Variants in SMC6 observed in about 807,000 individuals in gnomAD.
SMC6 encodes the protein structural maintenance of chromosomes 6, also known as structural maintenance of chromosomes protein 6.
In SMC6, 79 loss-of-function variants were observed where a neutral mutation model predicts 142.2. The ratio of observed to expected loss-of-function variants is 0.56; its 90% CI spans 0.46 to 0.67. The LOEUF is 0.67. SMC6 is among the 30% of genes least tolerant of loss of function. The pLI is 0.00. For synonymous variants in SMC6, 411 were observed against 412.4 expected (o/e 1.00, Z 0.04); for missense variants, 1,072 against 1,284.0 (o/e 0.83, Z 2.52).
rs1220911645 is a variant in SMC6 at position 17,753,779 on chromosome 2, C to T, written c.-246G>A. The T allele has an allele frequency of 1.3e-5, 2 of 152,096 alleles. No homozygotes were observed. The highest frequency in any genetic ancestry group is 2.4e-5 in the African/African-American group (1 of 41,394). The allele number at this position is 152,096 out of a possible 1,614,324, so 9.4% of individuals were successfully genotyped here. A position where few individuals can be genotyped will look rare whatever the true frequency, so the allele number is the denominator to read the frequency against. ...CCGGCCGCAGGAGAAGGTAGATTCCCGGGAGCCCCGGCGCCCACCGCGGTA... is the reference window on the plus strand; with the variant it reads ...CCGGCCGCAGGAGAAGGTAGATTCCTGGGAGCCCCGGCGCCCACCGCGGTA... On this transcript the variant is annotated 5_prime_UTR_variant, in exon 1 of 28. Transcript: ENST00000448223.
At chr2:17,688,501 G>T (rs975452606) in intron 23 of SMC6, among the ~76,000 whole-genome samples, 1 of 152,008 alleles carries the variant, frequency 6.6e-6, no homozygotes, top group South Asian at 2.1e-4. Context: ...GGAGGGAGAG[G>T]TTGCAGTGAG....
intron 5 of SMC6, among the ~76,000 whole-genome samples, chr2:17,737,423 T>C (rs1052464202): frequency 6.6e-5 from 10 of 152,208 alleles, no homozygotes; most frequent in Admixed American, 6.5e-4. Context: ...CTAGAAGATG[T>C]ATGACAGCAT....
intron 5 of SMC6, 68 bp from the exon 6 acceptor site, chr2:17,731,945 T>C: frequency 2.0e-6 from 3 of 1,475,860 alleles, no homozygotes; most frequent in Non-Finnish European, 2.7e-6. Flanking sequence ...GTTGCCACAG[T>C]TTTCAAATTT....
intron 7 of SMC6, among the ~76,000 whole-genome samples, chr2:17,727,477 C>T (rs1469077965): frequency 6.7e-6 from 1 of 150,050 alleles, no homozygotes; most frequent in Non-Finnish European, 1.5e-5. Flanking sequence ...ACCTTGTGAT[C>T]ATGTGAGTTA....
Position 17,717,153 on chromosome 2 carries a change from G to C in SMC6, c.1116C>G (p.Asn372Lys). 6.2e-7 allele frequency: 1 copy of C among 1,608,114 alleles called. No individual in the cohort carries two copies. Among genetic ancestry groups the C allele is most frequent in the Non-Finnish European group, 8.5e-7 (1 of 1,178,070 alleles). Residue 372 changes from asparagine (N) to lysine (K), a missense_variant, in exon 13 of 28, where the codon AAC (asparagine) becomes AAG (lysine). Physicochemically the swap from Asn to Lys is moderately conservative, Grantham distance 94 (BLOSUM62 0). This residue lies in a region of SMC6 where 994 missense variants were observed against 1,153.2 expected (regional missense o/e 0.86). Coordinates refer to ENST00000448223, the MANE Select transcript of SMC6 (RefSeq NM_001142286.2). ...CATCTTTCTTTAATGCTTTATATTCGTTTAAGGATCGGTTATATAAAACCT... is the reference window on the plus strand; with the variant it reads ...CATCTTTCTTTAATGCTTTATATTCCTTTAAGGATCGGTTATATAAAACCT... ...EAEVLYNRSL[N>K]EYKALKKDDE...
chr2:17,744,594 T>C (rs540802907), intron 3 of SMC6, among the ~76,000 whole-genome samples: 7 of 152,222 alleles, frequency 4.6e-5, no homozygotes, highest in Non-Finnish European at 1.0e-4. Context: ...TTATTTGCAA[T>C]GCTAGATTTT....
intron 12 of SMC6, among the ~76,000 whole-genome samples, chr2:17,717,401 G>A (rs558250138): frequency 1.3e-5 from 2 of 152,328 alleles, no homozygotes; most frequent in Non-Finnish European, 1.5e-5. Context: ...GCCAGGTGCT[G>A]TGGCTCACGC....
intron 9 of SMC6, among the ~76,000 whole-genome samples, chr2:17,723,689 A>T (rs1046399952): frequency 6.6e-6 from 1 of 152,142 alleles, no homozygotes; most frequent in Non-Finnish European, 1.5e-5. Context: ...CACGATACTC[A>T]AATTATTTAC....
intron 25 of SMC6, among the ~76,000 whole-genome samples, chr2:17,671,972 TGCTCTCAAGTGA>T (rs1416554574): frequency 1.3e-5 from 2 of 152,248 alleles, no homozygotes; most frequent in East Asian, 3.9e-4. Flanking sequence ...AAAGTGATAC[TGCTCTCAAGTGA>T]GCATTCATTT....
intron 23 of SMC6, among the ~76,000 whole-genome samples, chr2:17,691,663 G>A (rs1667734193): frequency 6.6e-6 from 1 of 152,032 alleles, no homozygotes; most frequent in Admixed American, 6.6e-5. Flanking sequence ...ACAAGACAGG[G>A]ATGCCCTCTC....
rs1667977062 is a variant in SMC6 at position 17,696,168 on chromosome 2, T to C, written c.2532+121A>G. The C allele has an allele frequency of 3.2e-6, 4 of 1,264,184 alleles. No individual in the cohort carries two copies. In the Admixed American group the frequency reaches 1.1e-4, roughly 34 times the overall value. 78.3% of individuals were successfully genotyped at this position (1,264,184 alleles called of 1,614,324 possible). A position where few individuals can be genotyped will look rare whatever the true frequency, so the allele number is the denominator to read the frequency against. ...TGATTCACCCAAACACCTATTACTC[T>C]ATATGAAACAGAAATTCAGACAACT... On this transcript the variant is annotated intron_variant, in intron 22 of 27. Coordinates refer to ENST00000448223, the MANE Select transcript of SMC6 (RefSeq NM_001142286.2).
In SMC6 at chr2:17,678,856, T is replaced by TA. The variant is rs772531411; in HGVS notation, c.2910+2dup. 1 of 1,563,516 alleles carries TA rather than the reference T, an allele frequency of 6.4e-7. No homozygotes were observed. Among genetic ancestry groups the TA allele is most frequent in the Non-Finnish European group, 8.8e-7 (1 of 1,139,018 alleles). ...TTAGGATGAAAAGAATTAGGATACT[T>TA]ACTGATATACTTAGAGTTTCATTCT... On this transcript the variant is annotated splice_region_variant and intron_variant, in intron 25 of 27. Transcript: ENST00000448223.
At chr2:17,709,245 TAA>T (rs1388507860) in intron 16 of SMC6, among the ~76,000 whole-genome samples, 1 of 152,162 alleles carries the variant, frequency 6.6e-6, no homozygotes, top group East Asian at 1.9e-4. Context: ...TTATCATACA[TAA>T]GTCAATTATT....
At chr2:17,752,948 T>C (rs1185408212) in intron 2 of SMC6, 30 bp downstream of exon 2, 2 of 883,534 alleles carry the variant, frequency 2.3e-6, no homozygotes, top group Non-Finnish European at 2.7e-6. Flanking sequence ...AAACACCAAA[T>C]GATTGCTCTA....
At chr2:17,694,570 T>C (rs7566260) in intron 23 of SMC6, among the ~76,000 whole-genome samples, 40,401 of 152,102 alleles carry the variant, frequency 0.27, 6,009 homozygotes, top group Non-Finnish European at 0.33. Flanking sequence ...TTCCCACATA[T>C]TGTTTATGGA....
At chr2:17,711,403 A>C (rs563923875) in intron 16 of SMC6, among the ~76,000 whole-genome samples, 108 of 152,302 alleles carry the variant, frequency 7.1e-4, no homozygotes, top group African/African-American at 2.3e-3. Flanking sequence ...GTTAAGCAGA[A>C]AGTCTAAACA....
At chr2:17,677,664 C>T (rs537905470) in intron 25 of SMC6, among the ~76,000 whole-genome samples, 2 of 152,182 alleles carry the variant, frequency 1.3e-5, no homozygotes, top group South Asian at 4.1e-4. Flanking sequence ...GCAGTGAGAA[C>T]AATAGACTAC....
intron 20 of SMC6, among the ~76,000 whole-genome samples, chr2:17,700,760 A>G (rs1400893913): frequency 6.6e-6 from 1 of 152,124 alleles, no homozygotes; most frequent in African/African-American, 2.4e-5. Flanking sequence ...GGCCAGGTGC[A>G]GTGGCTCATG....
At position 17,677,209 on chromosome 2, in the gene SMC6, A is replaced by G. The variant is rs143753775; in HGVS notation, c.2910+1650T>C. ...ACAATGGCGTCTCCAAACGTACAAT[A>G]TTTCACTAAAGAGGGGCCCCCTTTC... On this transcript the variant is annotated intron_variant, in intron 25 of 27. Coordinates refer to ENST00000448223, the MANE Select transcript of SMC6 (RefSeq NM_001142286.2). Among the ~76,000 whole-genome samples, 831 of 152,206 alleles carry G rather than the reference A, an allele frequency of 5.5e-3. 3 individuals carry two copies. Among genetic ancestry groups the G allele is most frequent in the Non-Finnish European group, 9.0e-3 (615 of 68,004 alleles).
Sources: allele counts gnomAD v4.1 joint callset (sites outside exome capture counted in the v4.1 genomes callset), GRCh38; gene constraint gnomAD v4.1.1; regional missense constraint gnomAD v4.1.1; transcripts MANE v1.5; gene names NCBI Gene and HGNC (gene_info 2026-07-23, HGNC 2026-07-21).